The following TMEM131 variants were observed in gnomAD, a reference collection of about 807,000 sequenced individuals.
TMEM131 encodes 2610524E03Rik.
A neutral mutation model predicts 211.6 loss-of-function variants in TMEM131; 66 were observed. The ratio of observed to expected loss-of-function variants is 0.31; its 90% confidence interval spans 0.26 to 0.38. The LOEUF (loss-of-function observed/expected upper bound fraction) is 0.38. Among genes scored for constraint, TMEM131 ranks in the 10% least tolerant of loss-of-function variants. The pLI is 1.00. For missense variants in TMEM131, 2,036 were observed against 2,299.3 expected, an observed-to-expected ratio of 0.89 and a Z score of 2.34; for synonymous variants, 844 against 841.3, an observed-to-expected ratio of 1.00 and a Z score of -0.06.
chr2:97,844,443 A>C (rs1482481550), intron 5 of TMEM131, among the ~76,000 whole-genome samples, 182 bp from the exon 6 acceptor site: 1 of 152,226 alleles, frequency 6.6e-6, no homozygotes, highest in African/African-American at 2.4e-5. Flanking sequence ...ACAGTCACAT[A>C]TCTTTGTCAA....
At chr2:97,841,539 T>C (rs6744331) in intron 7 of TMEM131, among the ~76,000 whole-genome samples, 118,006 of 152,122 alleles carry the variant, frequency 0.78, 47,703 homozygotes, top group African/African-American at 0.93. Flanking sequence ...CTTCTTTAAA[T>C]GCAGAGCTGC....
intron 5 of TMEM131, among the ~76,000 whole-genome samples, chr2:97,847,993 G>A (rs941601159): frequency 6.6e-6 from 1 of 152,110 alleles, no homozygotes; most frequent in Non-Finnish European, 1.5e-5. Flanking sequence ...AAGCAATTCT[G>A]AAAGAGAAAA....
chr2:97,945,281 G>T, intron 1 of TMEM131, among the ~76,000 whole-genome samples: 1 of 152,100 alleles, frequency 6.6e-6, no homozygotes, highest in East Asian at 1.9e-4. Context: ...ACCTAGATTA[G>T]CAGTTGTCAG....
At chr2:97,760,245 T>A (rs1678752048) in intron 38 of TMEM131, 1 of 305,258 alleles carries the variant, frequency 3.3e-6, no homozygotes, top group Non-Finnish European at 6.2e-6. Context: ...GCTCCAGATT[T>A]CCCCCCTCCC....
chr2:97,758,820 C>T (rs899302087), intron 40 of TMEM131, 73 bp downstream of exon 40: 1 of 1,529,956 alleles, frequency 6.5e-7, no homozygotes, highest in East Asian at 2.4e-5. Context: ...TCAGTGCCAT[C>T]CATGTCACAG....
intron 3 of TMEM131, among the ~76,000 whole-genome samples, chr2:97,895,844 GT>G (rs1244431215): frequency 6.6e-6 from 1 of 151,958 alleles, no homozygotes; most frequent in Middle Eastern, 3.2e-3. Flanking sequence ...TTTTTGAAGG[GT>G]TTTTTGTGTC....
intron 2 of TMEM131, among the ~76,000 whole-genome samples, chr2:97,927,151 C>T (rs992474132): frequency 6.6e-6 from 1 of 152,080 alleles, no homozygotes; most frequent in Non-Finnish European, 1.5e-5. Flanking sequence ...TATTACATTT[C>T]TCAACACCTC....
intron 11 of TMEM131, among the ~76,000 whole-genome samples, chr2:97,819,549 G>A (rs979735205): frequency 1.3e-5 from 2 of 152,082 alleles, no homozygotes; most frequent in African/African-American, 4.8e-5. Context: ...AGAATCCCTG[G>A]GTTGGTGCAG....
At chr2:97,761,936 C>G (rs1573315498) in intron 36 of TMEM131, 99 bp downstream of exon 36, 1 of 1,314,556 alleles carries the variant, frequency 7.6e-7, no homozygotes. Flanking sequence ...TAACACCAGA[C>G]AGTGGCCTGT....
chr2:97,846,882 T>C (rs747492206), intron 5 of TMEM131, among the ~76,000 whole-genome samples: 4 of 151,982 alleles, frequency 2.6e-5, no homozygotes, highest in Admixed American at 6.6e-5. Context: ...TCTAACACTG[T>C]ATTGGACGTG....
At chr2:97,879,215 A>G (rs974035444) in intron 4 of TMEM131, among the ~76,000 whole-genome samples, 5 of 152,192 alleles carry the variant, frequency 3.3e-5, no homozygotes, top group African/African-American at 9.7e-5. Flanking sequence ...ATTTCTTCCC[A>G]CTGCTGTAGG....
intron 31 of TMEM131, among the ~76,000 whole-genome samples, chr2:97,787,146 T>C (rs1466455629): frequency 2.0e-5 from 3 of 152,248 alleles, no homozygotes; most frequent in Non-Finnish European, 4.4e-5. Flanking sequence ...CTGTTTTAAA[T>C]GTAGGCAAAG....
intron 40 of TMEM131, among the ~76,000 whole-genome samples, chr2:97,757,992 T>C (rs1319196946): frequency 3.3e-5 from 5 of 151,782 alleles, no homozygotes; most frequent in Admixed American, 1.3e-4. Flanking sequence ...ATTAGCCGGG[T>C]GTGGTGGTGG....
intron 32 of TMEM131, among the ~76,000 whole-genome samples, chr2:97,775,336 G>A (rs1331504992): frequency 6.6e-6 from 1 of 152,132 alleles, no homozygotes; most frequent in African/African-American, 2.4e-5. Context: ...CTAAAGCCTG[G>A]GGTCTTTCCT....
At chr2:97,837,047 C>T (rs1288167961) in intron 8 of TMEM131, 30 bp downstream of exon 8, 2 of 1,584,582 alleles carry the variant, frequency 1.3e-6, no homozygotes, top group South Asian at 1.1e-5. Flanking sequence ...CATGGGAGCA[C>T]ACACAAGAGA....
chr2:97,808,126 T>C (rs945171468), intron 19 of TMEM131, among the ~76,000 whole-genome samples: 1 of 152,198 alleles, frequency 6.6e-6, no homozygotes, highest in African/African-American at 2.4e-5. Context: ...TTTATATGCA[T>C]AGCCTGAAGG....
chr2:97,859,534 T>C (rs925051259), intron 4 of TMEM131, 107 bp from the exon 5 acceptor site: 1 of 913,834 alleles, frequency 1.1e-6, no homozygotes, highest in Non-Finnish European at 1.6e-6. Context: ...TAGCTAAATA[T>C]ATTAAAATGC....
intron 31 of TMEM131, among the ~76,000 whole-genome samples, chr2:97,783,008 A>G (rs1257328524): frequency 6.6e-6 from 1 of 152,048 alleles, no homozygotes; most frequent in Non-Finnish European, 1.5e-5. Flanking sequence ...GGGTAAACAG[A>G]AACGAATCCA....
chr2:97,923,714 T>A (rs996287389), intron 2 of TMEM131, among the ~76,000 whole-genome samples: 1 of 151,718 alleles, frequency 6.6e-6, no homozygotes, highest in Non-Finnish European at 1.5e-5. Flanking sequence ...TCCAAAATTT[T>A]AAAATTCTAT....
Sources: allele counts gnomAD v4.1 joint callset (sites outside exome capture counted in the v4.1 genomes callset), GRCh38; gene constraint gnomAD v4.1.1; transcripts MANE v1.5; gene names NCBI Gene and HGNC (gene_info 2026-07-23, HGNC 2026-07-21).